NCOA2: variants seen among roughly 807,000 people sequenced by gnomAD.
NCOA2 encodes the protein class E basic helix-loop-helix protein 75.
In NCOA2, 21 loss-of-function variants were observed where a neutral mutation model predicts 145.1. That is an observed-to-expected ratio of 0.14 (90% confidence interval 0.10 to 0.21). The LOEUF is 0.21. Ranked by LOEUF, NCOA2 falls within the 10% of genes least tolerant of loss-of-function variation. The pLI is 1.00. For missense variants in NCOA2, 1,472 were observed against 1,837.6 expected (o/e 0.80, Z 3.64); for synonymous variants, 619 against 637.5 (o/e 0.97, Z 0.44).
intron 2 of NCOA2, among the ~76,000 whole-genome samples, chr8:70,270,839 C>G (rs564233691): frequency 6.6e-6 from 1 of 152,186 alleles, no homozygotes; most frequent in Non-Finnish European, 1.5e-5. Context: ...TTAATATTGT[C>G]TGTTGAAATA....
At chr8:70,221,632 A>G (rs1169274679) in intron 2 of NCOA2, among the ~76,000 whole-genome samples, 1 of 152,212 alleles carries the variant, frequency 6.6e-6, no homozygotes, top group Non-Finnish European at 1.5e-5. Context: ...CTCTTTTCAA[A>G]TAGGGTTAAT....
intron 6 of NCOA2, among the ~76,000 whole-genome samples, chr8:70,167,837 T>G (rs1475363693): frequency 6.6e-6 from 1 of 152,206 alleles, no homozygotes; most frequent in East Asian, 1.9e-4. Context: ...ATTTTGAGAA[T>G]TAAAGGGTGT....
At chr8:70,424,436 G>A in the NCOA2 span, 1 of 476,406 alleles carries the variant, frequency 2.1e-6, no homozygotes, top group East Asian at 5.7e-5. Context: ...GTTAGTGTCT[G>A]CTTTCTCAAT....
At chr8:70,402,811 A>C (rs1420095571) in intron 1 of NCOA2, among the ~76,000 whole-genome samples, 2 of 143,364 alleles carry the variant, frequency 1.4e-5, no homozygotes, top group Non-Finnish European at 3.1e-5. Context: ...CCTCCTGCAT[A>C]CACGCCCGCA....
At chr8:70,282,856 G>A (rs984328364) in intron 2 of NCOA2, among the ~76,000 whole-genome samples, 2 of 152,142 alleles carry the variant, frequency 1.3e-5, no homozygotes, top group African/African-American at 2.4e-5. Flanking sequence ...CACATCTGAT[G>A]TGCAATGACG....
At chr8:70,263,890 C>A (rs1192495187) in intron 2 of NCOA2, among the ~76,000 whole-genome samples, 1 of 152,016 alleles carries the variant, frequency 6.6e-6, no homozygotes, top group Non-Finnish European at 1.5e-5. Context: ...CCATTTCATA[C>A]CCCTCATGTT....
chr8:70,348,346 C>A (rs1808865669), intron 1 of NCOA2, among the ~76,000 whole-genome samples: 1 of 152,050 alleles, frequency 6.6e-6, no homozygotes, highest in African/African-American at 2.4e-5. Context: ...GAAAGACAAG[C>A]CAAGATGGGT....
intron 3 of NCOA2, 117 bp from the exon 4 acceptor site, chr8:70,214,192 C>T: frequency 1.0e-6 from 1 of 963,916 alleles, no homozygotes; most frequent in Non-Finnish European, 1.5e-6. Context: ...TATATAAACA[C>T]AGAAATACTT....
chr8:70,211,326 G>A (rs1418344440), intron 4 of NCOA2, among the ~76,000 whole-genome samples: 1 of 152,038 alleles, frequency 6.6e-6, no homozygotes, highest in Non-Finnish European at 1.5e-5. Context: ...GGACGTGGTG[G>A]CGCATGCCTG....
At chr8:70,300,322 T>C (rs1488310334) in intron 1 of NCOA2, among the ~76,000 whole-genome samples, 1 of 152,146 alleles carries the variant, frequency 6.6e-6, no homozygotes, top group Non-Finnish European at 1.5e-5. Context: ...ATTTTTAAAA[T>C]GCAAAAAAAA....
chr8:70,134,977 C>A (rs1288252048), intron 15 of NCOA2, among the ~76,000 whole-genome samples: 4 of 152,068 alleles, frequency 2.6e-5, no homozygotes, highest in Admixed American at 1.3e-4. Flanking sequence ...ACAGAGCAAA[C>A]AGGCCCTACT....
chr8:70,276,099 A>G (rs1164695741), intron 2 of NCOA2, among the ~76,000 whole-genome samples: 3 of 152,210 alleles, frequency 2.0e-5, no homozygotes, highest in African/African-American at 4.8e-5. Context: ...GAAGAATTTC[A>G]CAATACACTC....
rs985514797 is a variant in NCOA2 at position 70,251,712 on chromosome 8, C to A, written c.-19-34948G>T. ...CCCAAGAATTTGATTCAGTATTAAT[C>A]CAGCTCTTTGAGATCAGTATTACTC... On this transcript the variant is annotated intron_variant, in intron 2 of 22. Transcript: ENST00000452400. Among the ~76,000 whole-genome samples the A allele has an allele frequency of 2.0e-5, 3 of 152,210 alleles. No homozygotes were observed. The East Asian group carries it at 5.8e-4, about 29-fold the overall frequency.
chr8:70,238,146 G>A (rs1184463495), intron 2 of NCOA2, among the ~76,000 whole-genome samples: 1 of 145,386 alleles, frequency 6.9e-6, no homozygotes, highest in African/African-American at 2.8e-5. Context: ...ATAAGCATGT[G>A]CACACGCGCG....
intron 1 of NCOA2, among the ~76,000 whole-genome samples, chr8:70,388,443 C>T (rs964040234): frequency 4.6e-5 from 7 of 152,168 alleles, no homozygotes; most frequent in Non-Finnish European, 1.0e-4. Flanking sequence ...AGCTCTGAGG[C>T]CTTCCTTCAC....
chr8:70,442,857 C>T, the NCOA2 span, among the ~76,000 whole-genome samples: 1 of 152,082 alleles, frequency 6.6e-6, no homozygotes, highest in Non-Finnish European at 1.5e-5. Context: ...CCATTTTATA[C>T]CTCTTCTGAT....
chr8:70,160,695 G>C (rs1369984782), intron 9 of NCOA2, among the ~76,000 whole-genome samples: 1 of 151,386 alleles, frequency 6.6e-6, no homozygotes, highest in Middle Eastern at 3.4e-3. Context: ...GAGAGAGAGA[G>C]AGAGAGACTG....
chr8:70,422,161 T>G, the NCOA2 span, among the ~76,000 whole-genome samples: 1 of 152,036 alleles, frequency 6.6e-6, no homozygotes, highest in East Asian at 1.9e-4. Context: ...CTATGTGTCC[T>G]TAAGGAGGTC....
chr8:70,324,728 C>T (rs1160410049), intron 1 of NCOA2, among the ~76,000 whole-genome samples: 2 of 152,086 alleles, frequency 1.3e-5, no homozygotes, highest in Non-Finnish European at 2.9e-5. Flanking sequence ...GAAGATTTTG[C>T]TATCCTTGGG....
Sources: gnomAD v4.1 joint callset for allele counts (sites outside exome capture counted in the v4.1 genomes callset) on GRCh38, gnomAD v4.1.1 for gene constraint, MANE v1.5 for transcripts, NCBI Gene and HGNC (gene_info 2026-07-23, HGNC 2026-07-21) for gene names.